DLGAP1: variants seen among roughly 807,000 people sequenced by gnomAD.
DLGAP1 encodes disks large-associated protein 1.
In DLGAP1, 11 loss-of-function variants were observed where a neutral mutation model predicts 90.8. That is an observed-to-expected ratio of 0.12 (90% CI 0.08 to 0.20). DLGAP1 has a LOEUF of 0.20. Ranked by LOEUF, DLGAP1 falls within the 10% of genes least tolerant of loss-of-function variation. DLGAP1 has a pLI of 1.00. For missense variants in DLGAP1, 1,050 were observed against 1,333.8 expected (o/e 0.79, Z 3.31); for synonymous variants, 558 against 540.7 (o/e 1.03, Z -0.44).
At chr18:4,294,811 A>C (rs1219968463) in intron 1 of DLGAP1, 1 of 152,224 alleles carries the variant, frequency 6.6e-6, no homozygotes, top group East Asian at 1.9e-4. Flanking sequence ...TGAGTGGTGG[A>C]GGTGGAACTC....
intron 8 of DLGAP1, among the ~76,000 whole-genome samples, chr18:3,581,399 G>C (rs1244572120): frequency 6.6e-6 from 1 of 152,154 alleles, no homozygotes; most frequent in Non-Finnish European, 1.5e-5. Flanking sequence ...GCACACCTCT[G>C]TTTGGAACCT....
intron 1 of DLGAP1, among the ~76,000 whole-genome samples, chr18:4,300,998 A>G (rs2080111505): frequency 6.6e-6 from 1 of 152,134 alleles, no homozygotes; most frequent in South Asian, 2.1e-4. Flanking sequence ...TATTTATTAT[A>G]AATTGACAAA....
chr18:4,095,480 G>T (rs1287791013), intron 2 of DLGAP1, among the ~76,000 whole-genome samples: 1 of 152,158 alleles, frequency 6.6e-6, no homozygotes, highest in African/African-American at 2.4e-5. Context: ...TTTTCCAGGG[G>T]TGCTTTCTAA....
intron 3 of DLGAP1, among the ~76,000 whole-genome samples, chr18:3,883,335 GTCTAT>G (rs1249910084): frequency 6.6e-6 from 1 of 152,238 alleles, no homozygotes; most frequent in Admixed American, 6.5e-5. Context: ...GCCAGGTCTT[GTCTAT>G]TCCATGAGAC....
chr18:3,499,064 G>C lies in DLGAP1; in HGVS notation c.*121C>G. The C allele has an allele frequency of 2.2e-6, 2 of 897,964 alleles. No homozygotes were observed. Among genetic ancestry groups the C allele is most frequent in the Non-Finnish European group, 3.2e-6 (2 of 621,468 alleles). 55.6% of individuals were successfully genotyped at this position (897,964 alleles called of 1,614,324 possible). A position where few individuals can be genotyped will look rare whatever the true frequency, so the allele number is the denominator to read the frequency against. ...CCTGCGAGGTGGACAACTACACCGC[G>C]ACAGTGGAAGTCACCGAGCTCGGGA... is the stretch of plus-strand genomic sequence containing the variant. On this transcript the variant is annotated 3_prime_UTR_variant, in exon 13 of 13. Transcript: ENST00000315677. The surrounding 1 kb of genome is among the most constrained non-coding windows in gnomAD (Gnocchi z 6.4).
In DLGAP1 at chr18:3,518,061, A is replaced by T. The variant is rs74726177; in HGVS notation, c.2480-9400T>A. On this transcript the variant is annotated intron_variant, in intron 10 of 12. Coordinates refer to ENST00000315677, the MANE Select transcript of DLGAP1 (RefSeq NM_004746.4). ...GCACAAAAAGCCTAGCTTCTGGCTT[A>T]TTTTGACTTTTGACATGCCTTCCTA... 3.0e-3 allele frequency among the ~76,000 whole-genome samples: 457 copies of T among 152,308 alleles called. 15 individuals are homozygous for T. The East Asian group carries it at 0.061, about 20-fold the overall frequency.
At chr18:3,674,302 T>A (rs1369198748) in intron 7 of DLGAP1, among the ~76,000 whole-genome samples, 2 of 134,024 alleles carry the variant, frequency 1.5e-5, no homozygotes, top group African/African-American at 6.7e-5. Context: ...TTAAAATATA[T>A]ATATATATAT....
intron 1 of DLGAP1, among the ~76,000 whole-genome samples, chr18:4,326,558 A>G (rs1458043758): frequency 6.6e-6 from 1 of 152,188 alleles, no homozygotes; most frequent in Non-Finnish European, 1.5e-5. Context: ...TCATTGCAGC[A>G]ATATTCACAA....
At chr18:3,779,447 C>G (rs892306445) in intron 5 of DLGAP1, among the ~76,000 whole-genome samples, 1 of 152,152 alleles carries the variant, frequency 6.6e-6, no homozygotes, top group Non-Finnish European at 1.5e-5. Context: ...TAAGCCCAAA[C>G]CCATAGTAAT....
chr18:3,546,511 C>T (rs191185592), intron 9 of DLGAP1, among the ~76,000 whole-genome samples: 16 of 151,056 alleles, frequency 1.1e-4, no homozygotes, highest in East Asian at 3.9e-4. Flanking sequence ...AAACAAGTTT[C>T]GATAAATTTT....
intron 7 of DLGAP1, among the ~76,000 whole-genome samples, chr18:3,703,220 C>T (rs530817341): frequency 6.6e-6 from 1 of 152,266 alleles, no homozygotes; most frequent in Admixed American, 6.5e-5. Flanking sequence ...TATAGCTGGT[C>T]CTTGGGATGG....
chr18:4,276,636 G>GA (rs148054224), intron 1 of DLGAP1, among the ~76,000 whole-genome samples: 14,700 of 143,770 alleles, frequency 0.1, 815 homozygotes, highest in Non-Finnish European at 0.11. Context: ...ACACCAGCTT[G>GA]AAAAAAAAAA....
intron 1 of DLGAP1, among the ~76,000 whole-genome samples, chr18:4,348,400 ATGTGTGTGTGTGTG>A (rs71160958): frequency 1.4e-4 from 19 of 133,486 alleles, no homozygotes; most frequent in South Asian, 5.0e-4. Context: ...GAACTCAGGA[ATGTGTGTGTGTGTG>A]TGTGTGTGTG....
chr18:3,778,550 G>T (rs954352197), intron 5 of DLGAP1, among the ~76,000 whole-genome samples: 3 of 152,134 alleles, frequency 2.0e-5, no homozygotes, highest in African/African-American at 7.2e-5. Context: ...AATAGTGTGG[G>T]CTGTATAGGC....
At chr18:4,097,121 G>T (rs1216436211) in intron 2 of DLGAP1, among the ~76,000 whole-genome samples, 2 of 152,128 alleles carry the variant, frequency 1.3e-5, no homozygotes, top group African/African-American at 4.8e-5. Context: ...ACTTTCAAAG[G>T]CTCCAATTGT....
At chr18:3,651,654 T>C (rs2059307834) in intron 7 of DLGAP1, among the ~76,000 whole-genome samples, 1 of 150,270 alleles carries the variant, frequency 6.7e-6, no homozygotes, top group Non-Finnish European at 1.5e-5. Context: ...TTAAGCCGGG[T>C]GCAGTGGTTC....
Position 4,428,531 on chromosome 18 carries a change from G to A in DLGAP1, c.-267+26475C>T, listed in dbSNP as rs1452736643. The stretch of plus-strand genomic sequence containing the variant: ...TGGGAGGCGAAGGTTGCAGCGAACC[G>A]AGATCACATCACTGCACTCCAGCCT... On this transcript the variant is annotated intron_variant, in intron 1 of 12. Transcript: ENST00000315677. Among the ~76,000 whole-genome samples, 15 of 152,190 alleles carry A rather than the reference G, an allele frequency of 9.9e-5. No homozygotes were observed. The East Asian group carries it at 2.9e-3, about 29-fold the overall frequency.
At chr18:4,453,573 A>C (rs1175858386) in intron 1 of DLGAP1, among the ~76,000 whole-genome samples, 5 of 152,118 alleles carry the variant, frequency 3.3e-5, no homozygotes, top group African/African-American at 9.7e-5. Context: ...CAGGGTAAAA[A>C]ATAATTTGCA....
At chr18:4,398,282 G>A (rs1159306555) in intron 1 of DLGAP1, among the ~76,000 whole-genome samples, 2 of 151,912 alleles carry the variant, frequency 1.3e-5, no homozygotes, top group Non-Finnish European at 2.9e-5. Flanking sequence ...ATCCCAATTT[G>A]TCCCCATTGC....
Sources: allele counts gnomAD v4.1 joint callset (sites outside exome capture counted in the v4.1 genomes callset), GRCh38; gene constraint gnomAD v4.1.1; non-coding constraint Gnocchi (gnomAD v3.1); transcripts MANE v1.5; gene names NCBI Gene and HGNC (gene_info 2026-07-23, HGNC 2026-07-21).